PDPR: variants seen among roughly 807,000 people sequenced by gnomAD.
PDPR encodes pyruvate dehydrogenase phosphatase regulatory subunit.
In PDPR, 50 loss-of-function variants were observed where a neutral mutation model predicts 102.2. That is an observed-to-expected ratio of 0.49 (90% CI 0.39 to 0.62). The LOEUF is 0.62. Among genes scored for constraint, PDPR ranks in the 20% least tolerant of loss-of-function variants. PDPR has a pLI of 0.00. For missense variants in PDPR, 625 were observed against 1,098.2 expected, an observed-to-expected ratio of 0.57 and a Z score of 6.09; for synonymous variants, 259 against 406.0, an observed-to-expected ratio of 0.64 and a Z score of 4.35.
intron 9 of PDPR, among the ~76,000 whole-genome samples, chr16:70,132,645 A>C (rs1964656113): frequency 7.2e-6 from 1 of 139,376 alleles, no homozygotes; most frequent in Non-Finnish European, 1.5e-5. Flanking sequence ...CTGGTCTCAT[A>C]GCTTTTTTTT....
At chr16:70,119,021 C>T (rs1962937698) in intron 2 of PDPR, among the ~76,000 whole-genome samples, 1 of 152,080 alleles carries the variant, frequency 6.6e-6, no homozygotes, top group Non-Finnish European at 1.5e-5. Flanking sequence ...AGTGAGCTAC[C>T]CTAAGGCCCC....
rs1472785192 is a variant in PDPR at position 70,156,912 on chromosome 16, A to G, written c.*33A>G. 3.7e-6 allele frequency: 6 copies of G among 1,605,416 alleles called. No individual in the cohort carries two copies. Among genetic ancestry groups the G allele is most frequent in the Non-Finnish European group, 5.1e-6 (6 of 1,176,198 alleles). On this transcript the variant is annotated 3_prime_UTR_variant, in exon 19 of 19. Coordinates refer to ENST00000288050, the MANE Select transcript of PDPR (RefSeq NM_017990.5). ...AGGGCAGCCTCACCTCCTCCCCATC[A>G]TCTTGTCCTAGAGTGGGCGTCACCT...
chr16:70,120,311 G>C, intron 2 of PDPR, 150 bp from the exon 3 acceptor site: 1 of 571,968 alleles, frequency 1.7e-6, no homozygotes. Context: ...TGGCCTCCCA[G>C]AGTGCTGGGA....
chr16:70,153,497 C>T lies in PDPR; in HGVS notation c.2159C>T (p.Ala720Val). 1.9e-6 allele frequency: 3 copies of T among 1,613,018 alleles called. No homozygotes were observed. The highest frequency in any genetic ancestry group is 2.5e-6 in the Non-Finnish European group (3 of 1,179,570). Residue 720 changes from alanine (A) to valine (V), a missense_variant, in exon 18 of 19, where the codon GCC becomes GTC. Ala to Val is a moderately conservative substitution (Grantham distance 64). Transcript: ENST00000288050. ...AGTCTCCGAATTGAGAAGTTTTTTGCCTTCTGGGGTCAGGATATAAATAAC... is the reference window on the plus strand; with the variant it reads ...AGTCTCCGAATTGAGAAGTTTTTTGTCTTCTGGGGTCAGGATATAAATAAC... ...LRSLRIEKFFAFWGQDINNLT... is the reference protein window; with the variant it reads ...LRSLRIEKFFVFWGQDINNLT...
chr16:70,132,839 G>A (rs1412183497), intron 9 of PDPR, among the ~76,000 whole-genome samples: 3 of 152,232 alleles, frequency 2.0e-5, no homozygotes, highest in East Asian at 1.9e-4. Context: ...GTGAGATGGC[G>A]TCTTGCCCTG....
Position 70,156,739 on chromosome 16 carries a change from T to G in PDPR, c.2500T>G (p.Phe834Val). The G allele has an allele frequency of 2.5e-6, 4 of 1,614,112 alleles. No homozygotes were observed. The highest frequency in any genetic ancestry group is 3.4e-6 in the Non-Finnish European group (4 of 1,179,914). The part of the protein sequence containing the change: ...TGEEQVVTAD[F>V]INRGEYEIDI... ...GGAAGAGCAAGTGGTGACAGCAGAT[T>G]TCATCAACCGGGGAGAGTATGAGAT... The change falls in exon 19 of 19, where the codon TTC (phenylalanine) becomes GTC (valine). Residue 834 changes from phenylalanine (F) to valine (V), a missense_variant. By Grantham distance (50) the Phe-to-Val change is conservative. Coordinates refer to ENST00000288050, the MANE Select transcript of PDPR (RefSeq NM_017990.5).
At chr16:70,135,448 A>C (rs1331904998) in intron 9 of PDPR, among the ~76,000 whole-genome samples, 1 of 152,206 alleles carries the variant, frequency 6.6e-6, no homozygotes, top group Non-Finnish European at 1.5e-5. Flanking sequence ...TTTTGGCCAT[A>C]ATGCTCTTGA....
At chr16:70,149,259 T>TC (rs1966506871) in intron 17 of PDPR, among the ~76,000 whole-genome samples, 1 of 150,528 alleles carries the variant, frequency 6.6e-6, no homozygotes, top group Non-Finnish European at 1.5e-5. Flanking sequence ...TTTTTTTTTT[T>TC]CACTTCACAA....
intron 17 of PDPR, among the ~76,000 whole-genome samples, chr16:70,150,531 A>ATTTATTTT (rs1966647512): frequency 7.2e-6 from 1 of 138,324 alleles, no homozygotes; most frequent in Admixed American, 7.4e-5. Flanking sequence ...TTTTCTCTTA[A>ATTTATTTT]TTTTTTTTTT....
intron 17 of PDPR, among the ~76,000 whole-genome samples, chr16:70,152,522 A>T (rs1966814739): frequency 6.6e-6 from 1 of 152,288 alleles, no homozygotes; most frequent in Admixed American, 6.5e-5. Flanking sequence ...TGTCTCAAAA[A>T]TAAATAAGTA....
At position 70,138,399 on chromosome 16, in the gene PDPR, T is replaced by C. The variant is rs547274621; in HGVS notation, c.1191-500T>C. On this transcript the variant is annotated intron_variant, in intron 10 of 18. Transcript: ENST00000288050. ...ACACTGGCTAATTTTGTATTTTTAA[T>C]AGAGACAGGGTTTCTCCACATTGGT... 3.5e-3 allele frequency among the ~76,000 whole-genome samples: 539 copies of C among 152,226 alleles called. 2 individuals carry two copies. Among genetic ancestry groups the C allele is most frequent in the African/African-American group, 0.012 (504 of 41,474 alleles).
intron 18 of PDPR, 21 bp downstream of exon 18, chr16:70,153,594 C>A: frequency 6.3e-7 from 1 of 1,576,768 alleles, no homozygotes; most frequent in South Asian, 1.2e-5. Flanking sequence ...TACCCAGACT[C>A]CACTTTCACT....
In PDPR at chr16:70,157,142, G is replaced by C; in HGVS notation, c.*263G>C. 1 of 665,130 alleles carries C rather than the reference G, an allele frequency of 1.5e-6. No homozygotes were observed. The highest frequency in any genetic ancestry group is 2.1e-5 in the Admixed American group (1 of 47,770). The allele number at this position is 665,130 out of a possible 1,614,324, so 41.2% of individuals were successfully genotyped here. On this transcript the variant is annotated 3_prime_UTR_variant, in exon 19 of 19. Transcript: ENST00000288050. ...CACTCAGCTTCTCGTGGTGGCAGGA[G>C]GTATGTCTGACAGGACAGAAGCAAG...
intron 11 of PDPR, among the ~76,000 whole-genome samples, chr16:70,141,536 G>T (rs1231050423): frequency 9.6e-6 from 1 of 104,632 alleles, no homozygotes; most frequent in African/African-American, 3.5e-5. Flanking sequence ...CAGGCACAAT[G>T]AAGAATCGAA....
intron 3 of PDPR, among the ~76,000 whole-genome samples, chr16:70,123,822 G>T (rs1181366043): frequency 6.6e-6 from 1 of 152,282 alleles, no homozygotes; most frequent in Non-Finnish European, 1.5e-5. Flanking sequence ...GGAGGCCAAG[G>T]TGAGTGGATC....
chr16:70,145,973 G>A (rs1466675452), intron 15 of PDPR, 161 bp from the exon 16 acceptor site: 27 of 635,410 alleles, frequency 4.2e-5, no homozygotes, highest in East Asian at 5.9e-5. Context: ...CGCCAGAATC[G>A]GGGTGCTTAG....
chr16:70,143,206 C>A (rs1422787574), intron 13 of PDPR, among the ~76,000 whole-genome samples: 3 of 152,214 alleles, frequency 2.0e-5, no homozygotes, highest in African/African-American at 4.8e-5. Context: ...AAACAAAAAA[C>A]AAAAACAAAA....
At chr16:70,136,832 T>C (rs926611901) in intron 10 of PDPR, among the ~76,000 whole-genome samples, 1 of 152,206 alleles carries the variant, frequency 6.6e-6, no homozygotes, top group Admixed American at 6.5e-5. Context: ...AACCTCCACC[T>C]CCTGGGTTCA....
At chr16:70,162,784 A>T (rs1967908869), downstream of PDPR, among the ~76,000 whole-genome samples, 1 of 152,252 alleles carries the variant, frequency 6.6e-6, no homozygotes, top group South Asian at 2.1e-4. Flanking sequence ...TGACCTCAGG[A>T]GGAACCTGCC....
Sources: gnomAD v4.1 joint callset for allele counts (sites outside exome capture counted in the v4.1 genomes callset) on GRCh38, gnomAD v4.1.1 for gene constraint, MANE v1.5 for transcripts, NCBI Gene and HGNC (gene_info 2026-07-23, HGNC 2026-07-21) for gene names.